LTBP1: variants seen among roughly 807,000 people sequenced by gnomAD.
LTBP1 encodes the protein latent transforming growth factor beta binding protein 1, also known as latent-transforming growth factor beta-binding protein 1.
Under a neutral mutation model 207.6 loss-of-function variants are expected in LTBP1, and 129 were observed. That is an observed-to-expected ratio of 0.62 (90% CI 0.54 to 0.72). The LOEUF (loss-of-function observed/expected upper bound fraction) is 0.72. Ranked by LOEUF, LTBP1 falls within the 30% of genes least tolerant of loss-of-function variation. The pLI, the probability that LTBP1 is intolerant of heterozygous loss-of-function variation, is 0.00. For synonymous variants in LTBP1, 963 were observed against 833.7 expected, an observed-to-expected ratio of 1.16 and a Z score of -2.67; for missense variants, 2,281 against 2,217.2, an observed-to-expected ratio of 1.03 and a Z score of -0.58.
chr2:33,094,662 A>C (rs1431844991), intron 3 of LTBP1, among the ~76,000 whole-genome samples: 1 of 152,212 alleles, frequency 6.6e-6, no homozygotes, highest in Admixed American at 6.5e-5. Context: ...GTACTCTGTG[A>C]GTACCACATA....
chr2:33,147,736 T>C, intron 5 of LTBP1, among the ~76,000 whole-genome samples: 1 of 152,220 alleles, frequency 6.6e-6, no homozygotes, highest in East Asian at 1.9e-4. Flanking sequence ...ATGATTGCCA[T>C]ATGAAATGCC....
In LTBP1 at chr2:32,947,039, G is replaced by C. The variant is rs1572758375; in HGVS notation, c.-286G>C. On this transcript the variant is annotated 5_prime_UTR_variant, in exon 1 of 34. Coordinates refer to ENST00000404816, the MANE Select transcript of LTBP1 (RefSeq NM_206943.4). ...CGCTGCAACCCCCGGCCGGACGCGC[G>C]GACCCTCACCTTGCGCGGCCCGCTC... 1.2e-5 allele frequency: 3 copies of C among 257,414 alleles called. No homozygotes were observed. The highest frequency in any genetic ancestry group is 1.4e-4 in the East Asian group (2 of 14,248). The allele number at this position is 257,414 out of a possible 1,614,324, so 15.9% of individuals were successfully genotyped here. A position where few individuals can be genotyped will look rare whatever the true frequency, so the allele number is the denominator to read the frequency against.
chr2:33,344,216 T>C (rs1161200006), intron 25 of LTBP1, among the ~76,000 whole-genome samples: 1 of 152,224 alleles, frequency 6.6e-6, no homozygotes, highest in Non-Finnish European at 1.5e-5. Context: ...GTCAAAAACA[T>C]AGATAATTAT....
intron 31 of LTBP1, among the ~76,000 whole-genome samples, chr2:33,380,562 TCCGTCTTTAAAAAAA>T (rs1470241395): frequency 6.6e-6 from 1 of 151,984 alleles, no homozygotes; most frequent in Non-Finnish European, 1.5e-5. Context: ...AGAGTGAAAC[TCCGTCTTTAAAAAAA>T]AAAGAATGTT....
chr2:33,150,728 T>C (rs1459107567), intron 5 of LTBP1, among the ~76,000 whole-genome samples: 4 of 123,410 alleles, frequency 3.2e-5, no homozygotes, highest in Non-Finnish European at 6.9e-5. Context: ...TTTTTTTTTT[T>C]TTTTTTTTGA....
At chr2:33,161,694 T>C (rs1283351064) in intron 5 of LTBP1, among the ~76,000 whole-genome samples, 1 of 152,232 alleles carries the variant, frequency 6.6e-6, no homozygotes, top group East Asian at 1.9e-4. Flanking sequence ...GTGTCCTAAA[T>C]TGTTAGCTGC....
intron 2 of LTBP1, among the ~76,000 whole-genome samples, chr2:32,970,478 G>A (rs1453542608): frequency 6.6e-6 from 1 of 152,068 alleles, no homozygotes; most frequent in Non-Finnish European, 1.5e-5. Flanking sequence ...TCTGCATGTG[G>A]CTAGCTAGTT....
At chr2:33,287,089 AAAAT>A (rs1414955674) in intron 19 of LTBP1, among the ~76,000 whole-genome samples, 1 of 150,496 alleles carries the variant, frequency 6.6e-6, no homozygotes, top group Non-Finnish European at 1.5e-5. Context: ...TAATAAAAAT[AAAAT>A]AAAAACAACA....
chr2:33,262,916 AGACTT>A, intron 14 of LTBP1, 95 bp downstream of exon 14: 1 of 753,590 alleles, frequency 1.3e-6, no homozygotes, highest in Non-Finnish European at 2.2e-6. Context: ...GTAAATTACT[AGACTT>A]CATAACTGAA....
At chr2:33,259,716 A>G (rs2147934584) in intron 13 of LTBP1, 106 bp downstream of exon 13, 1 of 1,042,296 alleles carries the variant, frequency 9.6e-7, no homozygotes, top group South Asian at 1.7e-5. Context: ...CATCTCTATT[A>G]TGCATCATTT....
At chr2:33,137,701 T>C (rs2082259054) in intron 5 of LTBP1, among the ~76,000 whole-genome samples, 1 of 146,864 alleles carries the variant, frequency 6.8e-6, no homozygotes, top group African/African-American at 2.5e-5. Flanking sequence ...AGTTTTTGTT[T>C]GTTTGTTTGT....
intron 32 of LTBP1, among the ~76,000 whole-genome samples, chr2:33,395,907 AT>A (rs1192232196): frequency 1.8e-4 from 26 of 147,988 alleles, no homozygotes; most frequent in Admixed American, 4.7e-4. Flanking sequence ...CTAGCCATAT[AT>A]TTTTTTTTTT....
intron 3 of LTBP1, among the ~76,000 whole-genome samples, chr2:33,065,110 C>G (rs1367407884): frequency 2.0e-5 from 3 of 152,154 alleles, no homozygotes; most frequent in Non-Finnish European, 2.9e-5. Flanking sequence ...TTCCTTTTAT[C>G]ATGAAGGCTT....
intron 9 of LTBP1, among the ~76,000 whole-genome samples, chr2:33,236,564 A>G (rs2092061093): frequency 6.6e-6 from 1 of 152,174 alleles, no homozygotes. Flanking sequence ...CAAAAAGGAA[A>G]TGTCTGTTTA....
At chr2:33,064,352 C>T (rs2149671361) in intron 3 of LTBP1, among the ~76,000 whole-genome samples, 1 of 152,308 alleles carries the variant, frequency 6.6e-6, no homozygotes. Flanking sequence ...ATCTTGCTTG[C>T]AGGCTAAAAA....
At chr2:33,229,153 A>C (rs7590965) in intron 9 of LTBP1, among the ~76,000 whole-genome samples, 72,310 of 151,950 alleles carry the variant, frequency 0.48, 17,571 homozygotes, top group Non-Finnish European at 0.53. Context: ...ATTAATATTA[A>C]TTTTGTTTTA....
chr2:33,258,550 AC>A (rs1442868078), intron 12 of LTBP1, among the ~76,000 whole-genome samples: 1 of 152,104 alleles, frequency 6.6e-6, no homozygotes, highest in Non-Finnish European at 1.5e-5. Context: ...AACAGGCAAA[AC>A]CTCAGCTGGA....
At chr2:33,160,631 C>T (rs543055345) in intron 5 of LTBP1, among the ~76,000 whole-genome samples, 3 of 152,306 alleles carry the variant, frequency 2.0e-5, no homozygotes, top group South Asian at 4.2e-4. Flanking sequence ...GAGGCTTTTT[C>T]AGCTCTGTTG....
At chr2:32,992,921 C>T (rs1013329750) in intron 2 of LTBP1, among the ~76,000 whole-genome samples, 6 of 151,830 alleles carry the variant, frequency 4.0e-5, no homozygotes, top group African/African-American at 1.2e-4. Flanking sequence ...AAGCTGGAGT[C>T]GGCAGAACTG....
Sources: gnomAD v4.1 joint callset for allele counts (sites outside exome capture counted in the v4.1 genomes callset) on GRCh38, gnomAD v4.1.1 for gene constraint, MANE v1.5 for transcripts, NCBI Gene and HGNC (gene_info 2026-07-23, HGNC 2026-07-21) for gene names.